SCRG1: variants seen among roughly 807,000 people sequenced by gnomAD.
SCRG1 encodes the protein scrapie-responsive protein 1.
SCRG1 carries 3 observed loss-of-function variants against 7.7 expected under a neutral mutation model. That is an observed-to-expected ratio of 0.39 (90% confidence interval 0.18 to 1.01). The LOEUF is 1.01. Among genes scored for constraint, SCRG1 ranks in the 50% least tolerant of loss-of-function variants. The pLI is 0.36. For synonymous variants in SCRG1, 46 were observed against 41.2 expected (o/e 1.12, Z -0.44); for missense variants, 110 against 117.2 (o/e 0.94, Z 0.28).
At chr4:173,437,265 T>C in the SCRG1 span, among the ~76,000 whole-genome samples, 18 of 151,570 alleles carry the variant, frequency 1.2e-4, no homozygotes, top group Admixed American at 7.2e-4. Context: ...AATAGACACA[T>C]ACACACACAC....
At chr4:173,445,477 G>A in the SCRG1 span, among the ~76,000 whole-genome samples, 430 of 151,618 alleles carry the variant, frequency 2.8e-3, 1 homozygote, top group African/African-American at 9.7e-3. Flanking sequence ...AGCTACTTGG[G>A]AGGCTGAGGC....
chr4:173,482,922 T>C, the SCRG1 span, among the ~76,000 whole-genome samples: 2 of 138,826 alleles, frequency 1.4e-5, no homozygotes, highest in Non-Finnish European at 3.0e-5. Flanking sequence ...ATATAATACA[T>C]ATAATATATT....
At chr4:173,484,422 T>TATATTATATACATATAATATATAA in the SCRG1 span, among the ~76,000 whole-genome samples, 1 of 53,872 alleles carries the variant, frequency 1.9e-5, no homozygotes, top group Non-Finnish European at 3.1e-5. Context: ...ATAATATATA[T>TATATTATATACATATAATATATAA]TATATATTAT....
At chr4:173,476,354 G>GAAAA in the SCRG1 span, among the ~76,000 whole-genome samples, 32 of 70,130 alleles carry the variant, frequency 4.6e-4, no homozygotes, top group African/African-American at 5.1e-4. Context: ...CTCTGAGGGG[G>GAAAA]AAAAAAAAAA....
chr4:173,477,638 G>A, the SCRG1 span, among the ~76,000 whole-genome samples: 1 of 152,214 alleles, frequency 6.6e-6, no homozygotes, highest in South Asian at 2.1e-4. Context: ...AGATATTTCA[G>A]CACAGGGTCT....
chr4:173,419,626 C>G, the SCRG1 span: 1 of 729,848 alleles, frequency 1.4e-6, no homozygotes, highest in Admixed American at 1.8e-5. Flanking sequence ...GAGGGATAGA[C>G]AAACCAAGGA....
upstream of SCRG1, among the ~76,000 whole-genome samples, chr4:173,411,222 A>G (rs1320639520): frequency 6.6e-6 from 1 of 152,252 alleles, no homozygotes; most frequent in Non-Finnish European, 1.5e-5. Context: ...TTATCAAATG[A>G]ATGAACTTCT....
At chr4:173,467,876 T>G in the SCRG1 span, 1 of 152,254 alleles carries the variant, frequency 6.6e-6, no homozygotes, top group Non-Finnish European at 1.5e-5. Flanking sequence ...GGATGGGGAA[T>G]GAGATTTTCC....
the SCRG1 span, among the ~76,000 whole-genome samples, chr4:173,471,188 T>C: frequency 6.6e-6 from 1 of 152,202 alleles, no homozygotes; most frequent in Non-Finnish European, 1.5e-5. Flanking sequence ...AAATAGTCCT[T>C]TGAAGTATTA....
the SCRG1 span, among the ~76,000 whole-genome samples, chr4:173,482,769 G>C: frequency 7.5e-4 from 113 of 151,072 alleles, no homozygotes; most frequent in Admixed American, 1.5e-3. Context: ...AGTGAGCTAT[G>C]AATGTGCCAC....
At chr4:173,436,333 A>T in the SCRG1 span, among the ~76,000 whole-genome samples, 1 of 152,144 alleles carries the variant, frequency 6.6e-6, no homozygotes, top group African/African-American at 2.4e-5. Context: ...TTATGTCCAC[A>T]TTCCACACGA....
the SCRG1 span, among the ~76,000 whole-genome samples, chr4:173,462,560 G>A: frequency 2.0e-5 from 3 of 152,014 alleles, no homozygotes; most frequent in African/African-American, 4.8e-5. Context: ...AATGCTAAAG[G>A]GAGTACCTCA....
the SCRG1 span, among the ~76,000 whole-genome samples, chr4:173,485,095 T>TTATATATTATATAATATATAA: frequency 8.8e-5 from 1 of 11,308 alleles, no homozygotes; most frequent in African/African-American, 2.0e-4. Context: ...ATATTATATA[T>TTATATATTATATAATATATAA]TATATATTAT....
chr4:173,414,580 T>C, the SCRG1 span, among the ~76,000 whole-genome samples: 1 of 152,190 alleles, frequency 6.6e-6, no homozygotes, highest in African/African-American at 2.4e-5. Flanking sequence ...AGAGCCCTCA[T>C]GCCCTCTTGA....
the SCRG1 span, chr4:173,468,077 C>G: frequency 7.9e-5 from 12 of 152,708 alleles, no homozygotes; most frequent in African/African-American, 2.6e-4. Flanking sequence ...TCACTATATA[C>G]GAAGCATATA....
At position 173,392,770 on chromosome 4, in the gene SCRG1, G is replaced by C. The variant is rs566259398; in HGVS notation, c.-14-1342C>G. 2.6e-5 allele frequency among the ~76,000 whole-genome samples: 4 copies of C among 152,298 alleles called. No individual in the cohort carries two copies. In the South Asian group the frequency reaches 8.3e-4, roughly 32 times the overall value. ...TCCTTGGAAAGAGGGAAAACAGATG[G>C]AGGACATTGTACTTGGAAAGAAAAC... On this transcript the variant is annotated intron_variant, in intron 1 of 2. Coordinates refer to ENST00000296506, the MANE Select transcript of SCRG1 (RefSeq NM_007281.4).
chr4:173,457,516 C>A, the SCRG1 span, among the ~76,000 whole-genome samples: 1 of 152,130 alleles, frequency 6.6e-6, no homozygotes, highest in Admixed American at 6.5e-5. Context: ...TAATTGATCC[C>A]TGCAGCCTGG....
the SCRG1 span, among the ~76,000 whole-genome samples, chr4:173,476,354 G>GAAAAAAA: frequency 1.6e-3 from 111 of 69,942 alleles, 2 homozygotes; most frequent in Non-Finnish European, 1.7e-3. Flanking sequence ...CTCTGAGGGG[G>GAAAAAAA]AAAAAAAAAA....
upstream of SCRG1, among the ~76,000 whole-genome samples, chr4:173,410,655 A>T (rs578052495): frequency 1.3e-5 from 2 of 152,282 alleles, no homozygotes; most frequent in Admixed American, 1.3e-4. Context: ...ATAAAGAGAG[A>T]TCCCCAAATT....
Sources: gnomAD v4.1 joint callset for allele counts (sites outside exome capture counted in the v4.1 genomes callset) on GRCh38, gnomAD v4.1.1 for gene constraint, MANE v1.5 for transcripts, NCBI Gene and HGNC (gene_info 2026-07-23, HGNC 2026-07-21) for gene names.